Variants in UGT3A1 observed in about 807,000 individuals in gnomAD.
The protein encoded by UGT3A1 is UDP glycosyltransferase family 3 member A1.
A neutral mutation model predicts 37.6 loss-of-function variants in UGT3A1; 40 were observed. That is an observed-to-expected ratio of 1.06 (90% CI 0.83 to 1.38). UGT3A1 has a LOEUF of 1.38. Among genes scored for constraint, UGT3A1 ranks in the 40% most tolerant of loss-of-function variants. The pLI is 0.00. For missense variants in UGT3A1, 642 were observed against 634.2 expected (o/e 1.01, Z -0.13); for synonymous variants, 256 against 232.3 (o/e 1.10, Z -0.93).
intron 2 of UGT3A1, among the ~76,000 whole-genome samples, chr5:35,983,320 A>G (rs1740603455): frequency 6.6e-6 from 1 of 152,144 alleles, no homozygotes. Context: ...TATAAATTCC[A>G]AGGCACGTAA....
At chr5:35,962,645 C>G in intron 4 of UGT3A1, 1 of 506,822 alleles carries the variant, frequency 2.0e-6, no homozygotes, top group African/African-American at 1.9e-5. Flanking sequence ...AAAGCCTGCA[C>G]ATGTGGGGCC....
chr5:35,975,700 TA>T (rs1390401706), intron 2 of UGT3A1, among the ~76,000 whole-genome samples: 13 of 152,360 alleles, frequency 8.5e-5, no homozygotes, highest in African/African-American at 2.6e-4. Context: ...TTTACTTATT[TA>T]TTTTTTTATT....
chr5:35,963,886 G>C (rs1222327789), intron 4 of UGT3A1, among the ~76,000 whole-genome samples: 1 of 152,200 alleles, frequency 6.6e-6, no homozygotes, highest in Non-Finnish European at 1.5e-5. Context: ...GGTGGGGATG[G>C]CACCTCTAAC....
chr5:35,966,629 G>A (rs1302398543), intron 3 of UGT3A1, among the ~76,000 whole-genome samples: 1 of 152,136 alleles, frequency 6.6e-6, no homozygotes, highest in African/African-American at 2.4e-5. Context: ...GCCCTTCAAT[G>A]TCTTCCCATA....
chr5:35,955,368 T>C, intron 6 of UGT3A1: 1 of 585,712 alleles, frequency 1.7e-6, no homozygotes, highest in Non-Finnish European at 3.0e-6. Flanking sequence ...GGAATTCCAC[T>C]AGAGGGACTC....
upstream of UGT3A1, among the ~76,000 whole-genome samples, chr5:35,995,834 C>A (rs972378641): frequency 1.2e-4 from 19 of 152,130 alleles, no homozygotes; most frequent in Non-Finnish European, 2.6e-4. Context: ...TTTGATAAAA[C>A]TTTAAGTATT....
chr5:35,998,868 T>C (rs1482005675), intron 1 of UGT3A1, among the ~76,000 whole-genome samples: 1 of 152,126 alleles, frequency 6.6e-6, no homozygotes, highest in Non-Finnish European at 1.5e-5. Flanking sequence ...CATTGACAGA[T>C]TTTGGGGTTG....
intron 1 of UGT3A1, among the ~76,000 whole-genome samples, chr5:36,000,326 G>A (rs1741191502): frequency 6.6e-6 from 1 of 152,316 alleles, no homozygotes; most frequent in African/African-American, 2.4e-5. Flanking sequence ...TCTTCAAAAA[G>A]CCAAGATTTA....
chr5:35,984,980 A>G (rs1740670474), intron 2 of UGT3A1, among the ~76,000 whole-genome samples: 1 of 151,784 alleles, frequency 6.6e-6, no homozygotes, highest in South Asian at 2.1e-4. Context: ...GAAAGAATTT[A>G]TAATGTGTCT....
At chr5:35,971,414 A>C (rs553214891) in intron 2 of UGT3A1, among the ~76,000 whole-genome samples, 1 of 152,128 alleles carries the variant, frequency 6.6e-6, no homozygotes, top group East Asian at 1.9e-4. Context: ...TAGCATGAGT[A>C]ACTCTCCAGA....
At position 35,965,857 on chromosome 5, in the gene UGT3A1, C is replaced by T. The variant is rs951964578; in HGVS notation, c.372G>A (p.Leu124=). The part of the protein sequence containing the change: ...MEIFGTQCSY[L]LSRKDIMDSL... Reference sequence around the variant, plus strand: ...AATCCATTATATCCTTTCTGCTTAGCAAATAACTACATTGAGTCCCAAATA... The same window carrying T: ...AATCCATTATATCCTTTCTGCTTAGTAAATAACTACATTGAGTCCCAAATA... Residue 124 remains leucine, a synonymous_variant, in exon 4 of 7, where the codon TTG becomes TTA. Coordinates refer to ENST00000274278, the MANE Select transcript of UGT3A1 (RefSeq NM_152404.4). The T allele has an allele frequency of 2.5e-6, 4 of 1,608,742 alleles. No homozygotes were observed. The African/African-American group carries it at 5.4e-5, about 22-fold the overall frequency.
At chr5:35,963,093 A>T in intron 4 of UGT3A1, 1 of 622,624 alleles carries the variant, frequency 1.6e-6, no homozygotes, top group Admixed American at 2.4e-5. Context: ...GATGCCACCC[A>T]CAGGTGCCAC....
At chr5:35,962,619 T>C in intron 4 of UGT3A1, 1 of 423,588 alleles carries the variant, frequency 2.4e-6, no homozygotes. Flanking sequence ...GATCTAGATT[T>C]CCCTGCAAGG....
At chr5:35,989,867 G>T (rs1740867793) in intron 1 of UGT3A1, among the ~76,000 whole-genome samples, 1 of 152,134 alleles carries the variant, frequency 6.6e-6, no homozygotes, top group South Asian at 2.1e-4. Context: ...GGCGGATCAC[G>T]AGGTCAGGAG....
chr5:35,963,206 G>A (rs979397789), intron 4 of UGT3A1, among the ~76,000 whole-genome samples: 1 of 152,168 alleles, frequency 6.6e-6, no homozygotes, highest in African/African-American at 2.4e-5. Flanking sequence ...TGAGTTCCCT[G>A]GGCCTCATTT....
At chr5:35,976,940 A>AAAAGAGAG (rs1216103730) in intron 2 of UGT3A1, among the ~76,000 whole-genome samples, 4 of 151,438 alleles carry the variant, frequency 2.6e-5, no homozygotes, top group Admixed American at 2.0e-4. Flanking sequence ...AGAAGAAAGA[A>AAAAGAGAG]AAAGAGAGAG....
chr5:35,956,600 G>T (rs1228472935), intron 5 of UGT3A1, among the ~76,000 whole-genome samples: 8 of 152,134 alleles, frequency 5.3e-5, no homozygotes, highest in Admixed American at 5.2e-4. Flanking sequence ...GAACTGTAAG[G>T]AGCTCTGTTA....
intron 3 of UGT3A1, among the ~76,000 whole-genome samples, chr5:35,967,730 T>C (rs1739867748): frequency 6.6e-6 from 1 of 152,184 alleles, no homozygotes; most frequent in African/African-American, 2.4e-5. Context: ...CTGCTTTCTA[T>C]AGAACCCTTA....
Position 35,954,134 on chromosome 5 carries a change from G to A in UGT3A1, c.*68C>T. On this transcript the variant is annotated 3_prime_UTR_variant, in exon 7 of 7. Coordinates refer to ENST00000274278, the MANE Select transcript of UGT3A1 (RefSeq NM_152404.4). Reference sequence around the variant, plus strand: ...TGAAGAGAGAACAGAGGGGTGGCGTGTGCTGGGGTGGGGAGAACCTTCAAA... The same window carrying A: ...TGAAGAGAGAACAGAGGGGTGGCGTATGCTGGGGTGGGGAGAACCTTCAAA... 2 of 1,536,536 alleles carry A rather than the reference G, an allele frequency of 1.3e-6. No individual in the cohort carries two copies. The highest frequency in any genetic ancestry group is 1.8e-6 in the Non-Finnish European group (2 of 1,127,626).
Sources: gnomAD v4.1 joint callset for allele counts (sites outside exome capture counted in the v4.1 genomes callset) on GRCh38, gnomAD v4.1.1 for gene constraint, MANE v1.5 for transcripts, NCBI Gene and HGNC (gene_info 2026-07-23, HGNC 2026-07-21) for gene names.